BMPR2: variants seen among roughly 807,000 people sequenced by gnomAD.
BMPR2 encodes bone morphogenetic protein receptor type 2.
In BMPR2, 29 loss-of-function variants were observed where a neutral mutation model predicts 100.8. The observed-to-expected ratio is 0.29, with a 90% CI of 0.21 to 0.39. The LOEUF is 0.39. Ranked by LOEUF, BMPR2 falls within the 10% of genes least tolerant of loss-of-function variation. BMPR2 has a pLI of 1.00. For synonymous variants in BMPR2, 382 were observed against 442.3 expected, an observed-to-expected ratio of 0.86 and a Z score of 1.71; for missense variants, 1,011 against 1,274.5, an observed-to-expected ratio of 0.79 and a Z score of 3.15.
intron 5 of BMPR2, among the ~76,000 whole-genome samples, chr2:202,517,491 A>G (rs1266880279): frequency 1.3e-5 from 2 of 152,076 alleles, no homozygotes; most frequent in Non-Finnish European, 2.9e-5. Flanking sequence ...AAAAGTGACT[A>G]CAGGCGCATG....
intron 1 of BMPR2, among the ~76,000 whole-genome samples, chr2:202,446,949 C>G (rs1352438358): frequency 6.7e-6 from 1 of 149,176 alleles, no homozygotes; most frequent in Non-Finnish European, 1.5e-5. Context: ...TGCACCTAGC[C>G]ATAAATTTTT....
In BMPR2 at chr2:202,397,108, C is replaced by A. The variant is rs369128640; in HGVS notation, c.76+19558C>A. On this transcript the variant is annotated intron_variant, in intron 1 of 12. Coordinates refer to ENST00000374580, the MANE Select transcript of BMPR2 (RefSeq NM_001204.7). ...CACCGTGCCCAGCCTGAGCAAGAAA[C>A]TTTTTATTGATATCTTGAATCTCCA... is the stretch of plus-strand genomic sequence containing the variant. Among the ~76,000 whole-genome samples, 12 of 152,140 alleles carry A rather than the reference C, an allele frequency of 7.9e-5. No individual in the cohort carries two copies. In the South Asian group the frequency reaches 2.3e-3, roughly 29 times the overall value.
intron 3 of BMPR2, among the ~76,000 whole-genome samples, chr2:202,480,953 TAAAAAAAAAAAAAAAA>T (rs71035011): frequency 4.6e-5 from 2 of 43,348 alleles, no homozygotes; most frequent in African/African-American, 2.0e-4. Flanking sequence ...AGACTCCGTC[TAAAAAAAAAAAAAAAA>T]AAAAAAAAAA....
intron 1 of BMPR2, among the ~76,000 whole-genome samples, chr2:202,413,146 G>T (rs534452411): frequency 1.3e-5 from 2 of 152,260 alleles, no homozygotes; most frequent in East Asian, 3.9e-4. Flanking sequence ...CTTGTTTCAG[G>T]TCTCATGCCA....
intron 1 of BMPR2, among the ~76,000 whole-genome samples, chr2:202,457,446 CTT>C (rs1043918791): frequency 6.7e-6 from 1 of 149,744 alleles, no homozygotes; most frequent in Non-Finnish European, 1.5e-5. Flanking sequence ...TTTATAATGA[CTT>C]TTTTTAGAAT....
intron 2 of BMPR2, among the ~76,000 whole-genome samples, chr2:202,466,518 C>T (rs986659605): frequency 4.2e-4 from 64 of 152,118 alleles, no homozygotes; most frequent in Admixed American, 4.2e-3. Flanking sequence ...ATCTCCTGAC[C>T]CTCATGATCC....
chr2:202,430,960 CA>C (rs781320204), intron 1 of BMPR2, among the ~76,000 whole-genome samples: 115 of 99,908 alleles, frequency 1.2e-3, no homozygotes, highest in Admixed American at 1.2e-3. Flanking sequence ...ACTCTGTCTC[CA>C]AAAAAAAAAA....
chr2:202,420,513 T>C (rs1428593518), intron 1 of BMPR2, among the ~76,000 whole-genome samples: 1 of 150,514 alleles, frequency 6.6e-6, no homozygotes, highest in Non-Finnish European at 1.5e-5. Flanking sequence ...CTGTCTGGAG[T>C]ATGCAAACAT....
chr2:202,436,357 G>A (rs1691614824), intron 1 of BMPR2, among the ~76,000 whole-genome samples: 1 of 149,728 alleles, frequency 6.7e-6, no homozygotes, highest in South Asian at 2.1e-4. Context: ...GAGGTGGGAG[G>A]ATCACCTGAG....
At chr2:202,422,508 G>A (rs949919092) in intron 1 of BMPR2, among the ~76,000 whole-genome samples, 3 of 151,372 alleles carry the variant, frequency 2.0e-5, no homozygotes, top group Admixed American at 6.6e-5. Flanking sequence ...GGGTTTCACC[G>A]TGTTAGCCAG....
intron 2 of BMPR2, among the ~76,000 whole-genome samples, chr2:202,465,949 C>G (rs758717832): frequency 1.2e-4 from 18 of 152,178 alleles, no homozygotes; most frequent in Non-Finnish European, 2.4e-4. Context: ...TAAAGAATCT[C>G]TGAAAACCTT....
intron 5 of BMPR2, among the ~76,000 whole-genome samples, chr2:202,518,215 G>A (rs2106006172): frequency 7.0e-6 from 1 of 142,216 alleles, no homozygotes; most frequent in African/African-American, 2.7e-5. Context: ...TCAGCTCACT[G>A]CAACCTCCGT....
intron 10 of BMPR2, among the ~76,000 whole-genome samples, chr2:202,543,890 G>A (rs1454158382): frequency 2.6e-5 from 4 of 152,104 alleles, no homozygotes; most frequent in South Asian, 4.1e-4. Flanking sequence ...TCTCCCCTGC[G>A]CTTTGGGGAG....
chr2:202,420,792 C>T (rs1691247837), intron 1 of BMPR2, among the ~76,000 whole-genome samples: 2 of 151,768 alleles, frequency 1.3e-5, no homozygotes, highest in African/African-American at 2.4e-5. Flanking sequence ...GGTCATCCAC[C>T]TGCCTTGGCC....
At chr2:202,377,675 C>T in intron 1 of BMPR2, 125 bp downstream of exon 1, 2 of 1,169,338 alleles carry the variant, frequency 1.7e-6, no homozygotes, top group Non-Finnish European at 2.5e-6. Flanking sequence ...TGCAGCGGAG[C>T]TGCGACCCGG....
At chr2:202,485,545 C>CTTTTT (rs762096820) in intron 3 of BMPR2, among the ~76,000 whole-genome samples, 15,568 of 63,082 alleles carry the variant, frequency 0.25, 4,976 homozygotes, top group Middle Eastern at 0.33. Flanking sequence ...TTGCCTTTAT[C>CTTTTT]TTTTTTTTTT....
chr2:202,384,171 CA>C (rs1184490809), intron 1 of BMPR2, among the ~76,000 whole-genome samples: 1 of 152,054 alleles, frequency 6.6e-6, no homozygotes, highest in African/African-American at 2.4e-5. Flanking sequence ...AACTCCATCT[CA>C]AAAAACAAAA....
Position 202,495,371 on chromosome 2 carries a change from C to T in BMPR2, c.419-18348C>T, listed in dbSNP as rs906132855. 6.6e-6 allele frequency among the ~76,000 whole-genome samples: 1 copy of T among 152,212 alleles called. No homozygotes were observed. The highest frequency in any genetic ancestry group is 6.5e-5 in the Admixed American group (1 of 15,278). Reference sequence around the variant, plus strand: ...TCCTCCGTCTGCCCCAGCCAAACTCCGCGTCGTTGTCGTTCTGTCGACGGC... The same window carrying T: ...TCCTCCGTCTGCCCCAGCCAAACTCTGCGTCGTTGTCGTTCTGTCGACGGC... On this transcript the variant is annotated intron_variant, in intron 3 of 12. Coordinates refer to ENST00000374580, the MANE Select transcript of BMPR2 (RefSeq NM_001204.7). This position sits in a 1 kb window ranked among gnomAD's most constrained non-coding sequence, Gnocchi z 4.5.
At chr2:202,457,527 A>C (rs1001000288) in intron 1 of BMPR2, among the ~76,000 whole-genome samples, 1 of 145,524 alleles carries the variant, frequency 6.9e-6, no homozygotes. Context: ...AAGATATATT[A>C]TTTTTAGCAA....
Sources: gnomAD v4.1 joint callset for allele counts (sites outside exome capture counted in the v4.1 genomes callset) on GRCh38, gnomAD v4.1.1 for gene constraint, Gnocchi (gnomAD v3.1) non-coding constraint, MANE v1.5 for transcripts, NCBI Gene and HGNC (gene_info 2026-07-23, HGNC 2026-07-21) for gene names.